TAFA5: variants seen among roughly 807,000 people sequenced by gnomAD.
The protein encoded by TAFA5 is chemokine-like protein TAFA-5.
Under a neutral mutation model 15.3 loss-of-function variants are expected in TAFA5, and 6 were observed. The ratio of observed to expected loss-of-function variants is 0.39; its 90% confidence interval spans 0.21 to 0.77. The LOEUF (loss-of-function observed/expected upper bound fraction) is 0.77. Among genes scored for constraint, TAFA5 ranks in the 30% least tolerant of loss-of-function variants. The pLI is 0.41. For synonymous variants in TAFA5, 103 were observed against 80.7 expected, an observed-to-expected ratio of 1.28 and a Z score of -1.48; for missense variants, 161 against 193.1, an observed-to-expected ratio of 0.83 and a Z score of 0.98.
intron 1 of TAFA5, among the ~76,000 whole-genome samples, chr22:48,620,637 A>ATCCACCCACCCACCATCCCCCATCCTC: frequency 1.8e-5 from 2 of 108,848 alleles, no homozygotes; most frequent in African/African-American, 3.5e-5. Flanking sequence ...CCCCCATCCT[A>ATCCACCCACCCACCATCCCCCATCCTC]TCCACCCACC....
chr22:48,651,353 G>T (rs1405839539), intron 2 of TAFA5, among the ~76,000 whole-genome samples: 1 of 152,372 alleles, frequency 6.6e-6, no homozygotes, highest in Non-Finnish European at 1.5e-5. Context: ...GGGAGGTGCA[G>T]GACAGGCCGG....
intron 1 of TAFA5, among the ~76,000 whole-genome samples, chr22:48,554,769 A>T (rs748363801): frequency 3.3e-5 from 5 of 152,226 alleles, no homozygotes; most frequent in Non-Finnish European, 5.9e-5. Flanking sequence ...TTCTCTGCAG[A>T]CCTATAATCC....
chr22:48,549,162 G>A (rs577059437), intron 1 of TAFA5, among the ~76,000 whole-genome samples: 2 of 152,352 alleles, frequency 1.3e-5, no homozygotes, highest in South Asian at 4.1e-4. Flanking sequence ...GCCAAAGGCA[G>A]GATTCATGAT....
intron 3 of TAFA5, among the ~76,000 whole-genome samples, chr22:48,720,640 A>T (rs1472284482): frequency 1.3e-5 from 2 of 152,182 alleles, no homozygotes; most frequent in Non-Finnish European, 2.9e-5. Flanking sequence ...TCTCCAAGAC[A>T]TGGGGAGACA....
chr22:48,654,056 C>A (rs1267553364), intron 2 of TAFA5, among the ~76,000 whole-genome samples: 1 of 151,804 alleles, frequency 6.6e-6, no homozygotes, highest in Non-Finnish European at 1.5e-5. Context: ...TCTCCATGTC[C>A]CGTCACGTCG....
intron 2 of TAFA5, among the ~76,000 whole-genome samples, chr22:48,703,718 G>A (rs571402697): frequency 1.3e-5 from 2 of 152,344 alleles, no homozygotes; most frequent in African/African-American, 2.4e-5. Flanking sequence ...AGCTGAGCTC[G>A]GTAGTGAAGG....
chr22:48,505,308 G>A lies in TAFA5; in HGVS notation c.112+15604G>A, dbSNP rs149702369. ...TGGCCTTTGGTATTGAACCGGGGGC[G>A]TCTGGAGTGCCCTGAGGCTCAGGGA... On this transcript the variant is annotated intron_variant, in intron 1 of 3. Transcript: ENST00000402357. Among the ~76,000 whole-genome samples, 38 of 152,320 alleles carry A rather than the reference G, an allele frequency of 2.5e-4. No homozygotes were observed. In the East Asian group the frequency reaches 6.0e-3, roughly 24 times the overall value.
chr22:48,575,189 C>G (rs1923721180), intron 1 of TAFA5, among the ~76,000 whole-genome samples: 1 of 152,022 alleles, frequency 6.6e-6, no homozygotes, highest in African/African-American at 2.4e-5. Context: ...CTCGAGGCCC[C>G]GCGTCCGGTC....
intron 2 of TAFA5, among the ~76,000 whole-genome samples, chr22:48,653,822 G>A (rs1170501678): frequency 6.6e-6 from 1 of 152,132 alleles, no homozygotes; most frequent in African/African-American, 2.4e-5. Context: ...ACAGCTCAGG[G>A]TGAAGGAGAG....
intron 1 of TAFA5, among the ~76,000 whole-genome samples, chr22:48,504,461 G>A (rs1210488280): frequency 6.6e-6 from 1 of 152,186 alleles, no homozygotes; most frequent in African/African-American, 2.4e-5. Flanking sequence ...ACCATCATTT[G>A]AAGGAGTCCA....
chr22:48,660,265 G>C (rs1203786034), intron 2 of TAFA5, among the ~76,000 whole-genome samples: 2 of 152,232 alleles, frequency 1.3e-5, no homozygotes, highest in Admixed American at 1.3e-4. Context: ...GGTTGGATGG[G>C]GCCTGGACTC....
rs1344342066 is a variant in TAFA5 at position 48,489,613 on chromosome 22, C to G, written c.21C>G (p.Thr7=). ...CTTCAATGGCGCCATCGCCCAGGACCGGCAGCCGGCAAGATGCGACCGCCC... is the reference window on the plus strand; with the variant it reads ...CTTCAATGGCGCCATCGCCCAGGACGGGCAGCCGGCAAGATGCGACCGCCC... The part of the protein sequence containing the change: MAPSPR[T]GSRQDATALP... Residue 7 remains threonine, a synonymous_variant, in exon 1 of 4, where the codon ACC becomes ACG. Coordinates refer to ENST00000402357, the MANE Select transcript of TAFA5 (RefSeq NM_001082967.3). The surrounding 1 kb of genome is among the most constrained non-coding windows in gnomAD (Gnocchi z 5.5). 1.3e-6 allele frequency: 2 copies of G among 1,500,704 alleles called. No individual in the cohort carries two copies. The highest frequency in any genetic ancestry group is 1.4e-5 in the African/African-American group (1 of 69,012). The allele number at this position is 1,500,704 out of a possible 1,614,324, so 93.0% of individuals were successfully genotyped here. A position where few individuals can be genotyped will look rare whatever the true frequency, so the allele number is the denominator to read the frequency against.
At chr22:48,678,465 G>A (rs1293027209) in intron 2 of TAFA5, among the ~76,000 whole-genome samples, 1 of 152,172 alleles carries the variant, frequency 6.6e-6, no homozygotes, top group Non-Finnish European at 1.5e-5. Context: ...AGGCGAGAAT[G>A]CTGAGGCCTG....
intron 1 of TAFA5, chr22:48,544,581 T>C: frequency 2.4e-6 from 1 of 413,906 alleles, no homozygotes; most frequent in Admixed American, 2.5e-5. Context: ...CATGCCAGCT[T>C]CCTCCCAGAG....
Position 48,566,331 on chromosome 22 carries a change from G to T in TAFA5, c.112+76627G>T, listed in dbSNP as rs1923407576. ...TGGATAGATGGATGGATGGACGATG[G>T]GTGGATGATGAATGGATGGTGATGG... On this transcript the variant is annotated intron_variant, in intron 1 of 3. Transcript: ENST00000402357. This position sits in a 1 kb window ranked among gnomAD's most constrained non-coding sequence, Gnocchi z 4.5. Among the ~76,000 whole-genome samples, 3 of 151,736 alleles carry T rather than the reference G, an allele frequency of 2.0e-5. No individual in the cohort carries two copies. Among genetic ancestry groups the T allele is most frequent in the South Asian group, 4.2e-4 (2 of 4,788 alleles).
At chr22:48,736,545 TAGC>T (rs1474541448) in intron 3 of TAFA5, among the ~76,000 whole-genome samples, 4 of 152,292 alleles carry the variant, frequency 2.6e-5, no homozygotes, top group Middle Eastern at 3.4e-3. Flanking sequence ...CGCCTGTTCT[TAGC>T]AGCACCGTTC....
At chr22:48,592,569 G>A (rs1458590149) in intron 1 of TAFA5, among the ~76,000 whole-genome samples, 1 of 152,158 alleles carries the variant, frequency 6.6e-6, no homozygotes, top group South Asian at 2.1e-4. Context: ...CGGGTGCTCC[G>A]GGCACTGTCG....
intron 2 of TAFA5, among the ~76,000 whole-genome samples, chr22:48,648,992 G>A (rs1347333636): frequency 6.6e-6 from 1 of 152,190 alleles, no homozygotes; most frequent in African/African-American, 2.4e-5. Context: ...GCTCCCTCTG[G>A]GTGTCTCATT....
chr22:48,572,612 T>G (rs1923628463), intron 1 of TAFA5, among the ~76,000 whole-genome samples: 2 of 152,214 alleles, frequency 1.3e-5, no homozygotes. Context: ...TGGCTTTTTT[T>G]GTGTGCCATG....
Sources: gnomAD v4.1 joint callset for allele counts (sites outside exome capture counted in the v4.1 genomes callset) on GRCh38, gnomAD v4.1.1 for gene constraint, Gnocchi (gnomAD v3.1) non-coding constraint, MANE v1.5 for transcripts, NCBI Gene and HGNC (gene_info 2026-07-23, HGNC 2026-07-21) for gene names.